Variants in XRCC4 observed in about 807,000 individuals in gnomAD.
XRCC4 encodes DNA repair protein XRCC4.
A neutral mutation model predicts 39.1 loss-of-function variants in XRCC4; 28 were observed. The observed-to-expected ratio is 0.72, with a 90% CI of 0.53 to 0.98. XRCC4 has a LOEUF of 0.98. Among genes scored for constraint, XRCC4 ranks in the 50% least tolerant of loss-of-function variants. The pLI is 0.00. For synonymous variants in XRCC4, 123 were observed against 126.4 expected, an observed-to-expected ratio of 0.97 and a Z score of 0.18; for missense variants, 350 against 376.4, an observed-to-expected ratio of 0.93 and a Z score of 0.58.
intron 3 of XRCC4, among the ~76,000 whole-genome samples, chr5:83,145,109 A>G (rs1357568388): frequency 2.0e-5 from 3 of 152,108 alleles, no homozygotes; most frequent in African/African-American, 7.2e-5. Context: ...GTTAGCCAGG[A>G]TGGTCTCCAT....
At chr5:83,235,334 CAAAAAAAAA>C (rs57372204) in intron 6 of XRCC4, among the ~76,000 whole-genome samples, 9 of 58,742 alleles carry the variant, frequency 1.5e-4, no homozygotes, top group Non-Finnish European at 3.3e-4. Context: ...GACCCTATCT[CAAAAAAAAA>C]AAAAAAAAAA....
intron 1 of XRCC4, among the ~76,000 whole-genome samples, chr5:83,104,481 A>C (rs1303665560): frequency 2.0e-5 from 3 of 151,912 alleles, no homozygotes; most frequent in Non-Finnish European, 4.4e-5. Context: ...TGAGATGATA[A>C]TTTTTTGTTT....
intron 3 of XRCC4, among the ~76,000 whole-genome samples, chr5:83,142,695 T>A (rs921866479): frequency 3.3e-5 from 5 of 152,148 alleles, no homozygotes; most frequent in Admixed American, 1.3e-4. Flanking sequence ...TTGTTTGTTA[T>A]TTTTTAATTG....
At chr5:83,165,843 G>A (rs2112600724) in intron 3 of XRCC4, among the ~76,000 whole-genome samples, 1 of 151,116 alleles carries the variant, frequency 6.6e-6, no homozygotes, top group Middle Eastern at 3.4e-3. Context: ...AGTATTTCAT[G>A]GTGTGTATGT....
intron 3 of XRCC4, among the ~76,000 whole-genome samples, chr5:83,187,926 C>A (rs1750527056): frequency 6.6e-6 from 1 of 152,036 alleles, no homozygotes; most frequent in Non-Finnish European, 1.5e-5. Flanking sequence ...ACAATAGATA[C>A]ATTTTGGGAG....
chr5:83,132,210 C>A (rs1177046244), intron 3 of XRCC4, among the ~76,000 whole-genome samples: 2 of 152,066 alleles, frequency 1.3e-5, no homozygotes, highest in East Asian at 3.9e-4. Context: ...ATATTGGCCC[C>A]CACTCTCTTC....
At chr5:83,113,868 C>T (rs932145971) in intron 3 of XRCC4, among the ~76,000 whole-genome samples, 46 of 152,262 alleles carry the variant, frequency 3.0e-4, no homozygotes, top group African/African-American at 9.1e-4. Context: ...CCTCGTGATC[C>T]GCCCGCCTCA....
intron 1 of XRCC4, among the ~76,000 whole-genome samples, chr5:83,093,767 A>G (rs916695630): frequency 2.0e-5 from 3 of 152,288 alleles, no homozygotes; most frequent in East Asian, 3.9e-4. Context: ...ACAAACAAAA[A>G]TGAAAACACG....
chr5:83,084,520 A>G (rs1395203943), intron 1 of XRCC4, among the ~76,000 whole-genome samples: 2 of 152,210 alleles, frequency 1.3e-5, no homozygotes, highest in African/African-American at 4.8e-5. Flanking sequence ...CAAAATTCCA[A>G]ACTGTTCATG....
chr5:83,202,516 T>C (rs1173078465), intron 4 of XRCC4, among the ~76,000 whole-genome samples: 1 of 152,226 alleles, frequency 6.6e-6, no homozygotes, highest in Non-Finnish European at 1.5e-5. Context: ...AGGGCATGTA[T>C]ATAAAAGCTA....
Position 83,104,909 on chromosome 5 carries a change from G to C in XRCC4, c.-10-1G>C. ...ATATTAATTGTATTCTCCCATTACA[G>C]GTATTAAGAAATGGAGAGAAAAATA... On this transcript the variant is annotated splice_acceptor_variant, in intron 1 of 7. Transcript: ENST00000396027. LOFTEE classifies it low-confidence loss of function (5UTR_SPLICE). 2 of 1,610,984 alleles carry C rather than the reference G, an allele frequency of 1.2e-6. No individual in the cohort carries two copies. The highest frequency in any genetic ancestry group is 1.7e-6 in the Non-Finnish European group (2 of 1,177,652).
chr5:83,158,687 C>A (rs1417096843), intron 3 of XRCC4, among the ~76,000 whole-genome samples: 1 of 151,946 alleles, frequency 6.6e-6, no homozygotes, highest in African/African-American at 2.4e-5. Context: ...GCACATTATA[C>A]TAAAGAATTG....
intron 3 of XRCC4, among the ~76,000 whole-genome samples, chr5:83,187,855 T>A (rs1750523938): frequency 6.6e-6 from 1 of 152,154 alleles, no homozygotes; most frequent in Admixed American, 6.5e-5. Context: ...CTTTTTAATT[T>A]AATTAAATTT....
chr5:83,084,817 G>A (rs1745108050), intron 1 of XRCC4, among the ~76,000 whole-genome samples: 2 of 152,172 alleles, frequency 1.3e-5, no homozygotes, highest in Admixed American at 6.5e-5. Flanking sequence ...GGCATCCTGA[G>A]TTCAAACTGC....
chr5:83,211,355 AC>A (rs1476275123), intron 6 of XRCC4, among the ~76,000 whole-genome samples: 11 of 152,186 alleles, frequency 7.2e-5, no homozygotes, highest in South Asian at 2.1e-4. Context: ...GGTGATACTC[AC>A]AACCAGCAGC....
chr5:83,225,421 G>C (rs1391360760), intron 6 of XRCC4, among the ~76,000 whole-genome samples: 1 of 151,860 alleles, frequency 6.6e-6, no homozygotes, highest in Non-Finnish European at 1.5e-5. Context: ...TGTACCTTTT[G>C]ATCCAAAAGG....
At chr5:83,278,027 T>C (rs77730662) in intron 7 of XRCC4, among the ~76,000 whole-genome samples, 3,417 of 152,288 alleles carry the variant, frequency 0.022, 104 homozygotes, top group African/African-American at 0.076. Context: ...GGTTTTGTTA[T>C]TTACAGAGCT....
At chr5:83,196,944 G>A (rs1215596517) in intron 4 of XRCC4, among the ~76,000 whole-genome samples, 1 of 151,544 alleles carries the variant, frequency 6.6e-6, no homozygotes, top group Non-Finnish European at 1.5e-5. Context: ...GTGAAAATGA[G>A]GCTGACTAAA....
chr5:83,248,012 T>A (rs1158292324), intron 6 of XRCC4, among the ~76,000 whole-genome samples: 2 of 152,104 alleles, frequency 1.3e-5, no homozygotes, highest in East Asian at 3.9e-4. Flanking sequence ...GAGGAGACTT[T>A]GGAATAGCGA....
Sources: allele counts gnomAD v4.1 joint callset (sites outside exome capture counted in the v4.1 genomes callset), GRCh38; gene constraint gnomAD v4.1.1; transcripts MANE v1.5; gene names NCBI Gene and HGNC (gene_info 2026-07-23, HGNC 2026-07-21).